Variants in SLIT2 observed in about 807,000 individuals in gnomAD.
SLIT2 encodes the protein slit guidance ligand 2.
In SLIT2, 41 loss-of-function variants were observed where a neutral mutation model predicts 185.7. The observed-to-expected ratio is 0.22, with a 90% CI of 0.17 to 0.29. The LOEUF (loss-of-function observed/expected upper bound fraction) is 0.29. SLIT2 is among the 10% of genes least tolerant of loss of function. SLIT2 has a pLI of 1.00. For synonymous variants in SLIT2, 693 were observed against 680.2 expected (o/e 1.02, Z -0.29); for missense variants, 1,571 against 1,909.0 (o/e 0.82, Z 3.30).
intron 4 of SLIT2, among the ~76,000 whole-genome samples, chr4:20,450,009 G>A (rs973812337): frequency 6.6e-6 from 1 of 151,746 alleles, no homozygotes. Flanking sequence ...CATCTAACTT[G>A]GCAAGAGTAT....
intron 9 of SLIT2, among the ~76,000 whole-genome samples, chr4:20,497,149 C>T (rs144379551): frequency 6.6e-6 from 1 of 151,264 alleles, no homozygotes; most frequent in East Asian, 1.9e-4. Context: ...AATCATCTTA[C>T]AGATGTCTTA....
chr4:20,577,970 A>G (rs1726214096), intron 29 of SLIT2, among the ~76,000 whole-genome samples: 1 of 152,160 alleles, frequency 6.6e-6, no homozygotes, highest in Non-Finnish European at 1.5e-5. Context: ...TGTTAGGCAT[A>G]AAAATACAGT....
At chr4:20,475,893 G>T (rs79772487) in intron 5 of SLIT2, among the ~76,000 whole-genome samples, 1,813 of 152,090 alleles carry the variant, frequency 0.012, 33 homozygotes, top group East Asian at 0.058. Context: ...TATACCATAG[G>T]CTACTCCTAT....
intron 4 of SLIT2, among the ~76,000 whole-genome samples, chr4:20,423,668 A>AT (rs1728337216): frequency 6.6e-6 from 1 of 152,144 alleles, no homozygotes; most frequent in Non-Finnish European, 1.5e-5. Context: ...TATGATTGGC[A>AT]TTTAAGGGTC....
At chr4:20,266,971 G>A (rs1311868999) in intron 3 of SLIT2, among the ~76,000 whole-genome samples, 1 of 151,960 alleles carries the variant, frequency 6.6e-6, no homozygotes, top group Non-Finnish European at 1.5e-5. Flanking sequence ...TAACAAATGA[G>A]GCTGGTAAAT....
intron 4 of SLIT2, among the ~76,000 whole-genome samples, chr4:20,393,810 G>A (rs1285302519): frequency 6.6e-6 from 1 of 152,040 alleles, no homozygotes; most frequent in Non-Finnish European, 1.5e-5. Flanking sequence ...GCTCATCACT[G>A]AAAATTCATG....
chr4:20,586,548 C>G (rs1008375231), intron 29 of SLIT2, among the ~76,000 whole-genome samples: 1 of 152,190 alleles, frequency 6.6e-6, no homozygotes, highest in African/African-American at 2.4e-5. Flanking sequence ...GCACACATAA[C>G]AGTGCAACCC....
chr4:20,525,065 T>G, intron 14 of SLIT2, 84 bp from the exon 15 acceptor site: 1 of 988,986 alleles, frequency 1.0e-6, no homozygotes, highest in East Asian at 2.4e-5. Context: ...GTAACTTTAG[T>G]CCATTCTTAA....
Position 20,570,225 on chromosome 4 carries a change from G to A in SLIT2, c.3088+1221G>A, listed in dbSNP as rs144383560. Among the ~76,000 whole-genome samples the A allele has an allele frequency of 4.5e-3, 680 of 152,112 alleles. 5 individuals carry two copies. Among genetic ancestry groups the A allele is most frequent in the Non-Finnish European group, 7.6e-3 (514 of 67,976 alleles). On this transcript the variant is annotated intron_variant, in intron 29 of 36. Coordinates refer to ENST00000504154, the MANE Select transcript of SLIT2 (RefSeq NM_004787.4). ...TTAAGTTTCCAGTAGAAATTTGAACGTGCTGTATTACCAAGTCTTCTAGTA... is the reference window on the plus strand; with the variant it reads ...TTAAGTTTCCAGTAGAAATTTGAACATGCTGTATTACCAAGTCTTCTAGTA...
intron 29 of SLIT2, among the ~76,000 whole-genome samples, chr4:20,570,065 TA>T (rs1218024862): frequency 1.3e-5 from 2 of 152,118 alleles, no homozygotes; most frequent in Non-Finnish European, 2.9e-5. Context: ...CTAGGTAGAA[TA>T]ATGAGGCTCG....
At chr4:20,472,286 A>ATATCTATATATATCTATATATC (rs1715209098) in intron 5 of SLIT2, among the ~76,000 whole-genome samples, 5 of 14,682 alleles carry the variant, frequency 3.4e-4, no homozygotes, top group Non-Finnish European at 5.3e-4. Flanking sequence ...CTATATATAT[A>ATATCTATATATATCTATATATC]GATATATAGA....
At position 20,330,430 on chromosome 4, in the gene SLIT2, C is replaced by T. The variant is rs144381108; in HGVS notation, c.395+61549C>T. Reference sequence around the variant, plus strand: ...TAGACTAGCACTATTGTGAATTACTCCTCACTATAACACAACATCAGTTTT... The same window carrying T: ...TAGACTAGCACTATTGTGAATTACTTCTCACTATAACACAACATCAGTTTT... On this transcript the variant is annotated intron_variant, in intron 4 of 36. Coordinates refer to ENST00000504154, the MANE Select transcript of SLIT2 (RefSeq NM_004787.4). Among the ~76,000 whole-genome samples, 910 of 152,108 alleles carry T rather than the reference C, an allele frequency of 6.0e-3. 5 individuals are homozygous for T. The highest frequency in any genetic ancestry group is 0.021 in the African/African-American group (854 of 41,520).
chr4:20,473,739 C>T (rs1005206517), intron 5 of SLIT2, among the ~76,000 whole-genome samples: 3 of 151,934 alleles, frequency 2.0e-5, no homozygotes, highest in Non-Finnish European at 4.4e-5. Flanking sequence ...TTCTAGTTTT[C>T]ACTGTCATCT....
intron 29 of SLIT2, chr4:20,573,354 G>A (rs1725786798): frequency 1.4e-6 from 1 of 694,902 alleles, no homozygotes. Flanking sequence ...ACAGTAAAAA[G>A]GAATGTTGAC....
chr4:20,310,900 T>G (rs1423703397), intron 4 of SLIT2, among the ~76,000 whole-genome samples: 1 of 152,232 alleles, frequency 6.6e-6, no homozygotes, highest in Non-Finnish European at 1.5e-5. Context: ...TAATTTATTT[T>G]CAGAGACAGG....
In SLIT2 at chr4:20,484,683, G is replaced by A. The variant is rs138122986; in HGVS notation, c.540-1517G>A. 1.6e-3 allele frequency among the ~76,000 whole-genome samples: 240 copies of A among 152,110 alleles called. 1 individual carries two copies. The highest frequency in any genetic ancestry group is 3.0e-3 in the Non-Finnish European group (203 of 67,954). On this transcript the variant is annotated intron_variant, in intron 6 of 36. Transcript: ENST00000504154. The surrounding 1 kb of genome is among the most constrained non-coding windows in gnomAD (Gnocchi z 4.3). ...TATTTTGTGTAGCTCAAACATAAGC[G>A]GTCTACAGACTGTTTGAAATGTTTT...
At position 20,254,316 on chromosome 4, in the gene SLIT2, TGA is replaced by T. The variant is rs1711527398; in HGVS notation, c.179+325_179+326del. 6.6e-6 allele frequency among the ~76,000 whole-genome samples: 1 copy of T among 152,118 alleles called. No individual in the cohort carries two copies. Among genetic ancestry groups the T allele is most frequent in the South Asian group, 2.1e-4 (1 of 4,818 alleles). On this transcript the variant is annotated intron_variant, in intron 1 of 36. Transcript: ENST00000504154. The surrounding 1 kb of genome is among the most constrained non-coding windows in gnomAD (Gnocchi z 5.1). Reference sequence around the variant, plus strand: ...AGTACTGGAGGATGCCCGGGGCAAGTGAGACGCCACTTTGTTCTCCAGAGTCC... The same window carrying T: ...AGTACTGGAGGATGCCCGGGGCAAGTGACGCCACTTTGTTCTCCAGAGTCC...
intron 4 of SLIT2, among the ~76,000 whole-genome samples, chr4:20,329,935 C>T (rs985721179): frequency 6.6e-6 from 1 of 151,998 alleles, no homozygotes; most frequent in Non-Finnish European, 1.5e-5. Context: ...TCTTGACCTG[C>T]GTGCTCTTTT....
chr4:20,389,629 G>A (rs1223009751), intron 4 of SLIT2, among the ~76,000 whole-genome samples: 2 of 151,732 alleles, frequency 1.3e-5, no homozygotes, highest in African/African-American at 4.8e-5. Flanking sequence ...AATGCAAAGG[G>A]CCAGACACTC....
Sources: gnomAD v4.1 joint callset for allele counts (sites outside exome capture counted in the v4.1 genomes callset) on GRCh38, gnomAD v4.1.1 for gene constraint, Gnocchi (gnomAD v3.1) non-coding constraint, MANE v1.5 for transcripts, NCBI Gene and HGNC (gene_info 2026-07-23, HGNC 2026-07-21) for gene names.